Variants in ADAM12 observed in about 807,000 individuals in gnomAD.
The protein encoded by ADAM12 is ADAM metallopeptidase domain 12, also known as disintegrin and metalloproteinase domain-containing protein 12.
Under a neutral mutation model 106.4 loss-of-function variants are expected in ADAM12, and 70 were observed. That is an observed-to-expected ratio of 0.66 (90% CI 0.54 to 0.80). ADAM12 has a LOEUF of 0.80. Ranked by LOEUF, ADAM12 falls within the 30% of genes least tolerant of loss-of-function variation. The probability of loss-of-function intolerance (pLI) is 0.00; values close to 1 mark genes in which losing one functional copy is unlikely to be tolerated. For missense variants in ADAM12, 1,010 were observed against 1,171.9 expected, an observed-to-expected ratio of 0.86 and a Z score of 2.02; for synonymous variants, 420 against 433.5, an observed-to-expected ratio of 0.97 and a Z score of 0.39.
chr10:126,157,107 C>T (rs948076536), intron 3 of ADAM12, among the ~76,000 whole-genome samples: 2 of 152,192 alleles, frequency 1.3e-5, no homozygotes, highest in African/African-American at 2.4e-5. Flanking sequence ...ATCTTCCCTA[C>T]AGCATGTTGA....
At chr10:126,255,428 C>T (rs778213778) in intron 3 of ADAM12, among the ~76,000 whole-genome samples, 6 of 152,124 alleles carry the variant, frequency 3.9e-5, no homozygotes, top group Non-Finnish European at 5.9e-5. Flanking sequence ...CACGGCTCCA[C>T]CTCACACACT....
intron 4 of ADAM12, among the ~76,000 whole-genome samples, chr10:126,148,779 C>T (rs1590503934): frequency 6.6e-6 from 1 of 152,250 alleles, no homozygotes; most frequent in Non-Finnish European, 1.5e-5. Context: ...GGAGAGGATA[C>T]TAGTTTAGGC....
chr10:126,330,453 T>C lies in ADAM12; in HGVS notation c.145A>G (p.Ser49Gly), dbSNP rs901974421. ...TTCACTGGGATCCAGAGGTCCCCAC[T>C]CCCAACAGAGGCACTGACAACTTCA... is the stretch of plus-strand genomic sequence containing the variant. ...ADEVVSASVG[S>G]GDLWIPVKSF... Residue 49 changes from serine to glycine, a missense_variant, in exon 2 of 23, where the codon AGT becomes GGT. Ser to Gly is a moderately conservative substitution (Grantham distance 56). Transcript: ENST00000448723. 1.2e-6 allele frequency: 2 copies of C among 1,613,830 alleles called. No homozygotes were observed. The highest frequency in any genetic ancestry group is 2.7e-5 in the African/African-American group (2 of 74,918).
intron 8 of ADAM12, among the ~76,000 whole-genome samples, chr10:126,103,525 G>A (rs1394995724): frequency 6.6e-6 from 1 of 152,190 alleles, no homozygotes; most frequent in Non-Finnish European, 1.5e-5. Context: ...TCAAAGACAC[G>A]GAGGCTTGGA....
rs35918077 is a variant in ADAM12 at position 126,027,415 on chromosome 10, TAAA to T, written c.2530-7593_2530-7591del. On this transcript the variant is annotated intron_variant, in intron 21 of 22. Coordinates refer to ENST00000448723, the MANE Select transcript of ADAM12 (RefSeq NM_001288973.2). ...TCCTGGTACCAACACCTGGGAGAGATAAAAAAAAACCTCAGGCCAATATCCTTG... is the reference window on the plus strand; with the variant it reads ...TCCTGGTACCAACACCTGGGAGAGATAAAAAACCTCAGGCCAATATCCTTG... 2.7e-5 allele frequency among the ~76,000 whole-genome samples: 4 copies of T among 150,434 alleles called. No individual in the cohort carries two copies. In the East Asian group the frequency reaches 5.9e-4, roughly 22 times the overall value.
At chr10:126,082,569 C>A (rs112828461) in intron 11 of ADAM12, among the ~76,000 whole-genome samples, 2 of 151,868 alleles carry the variant, frequency 1.3e-5, no homozygotes, top group Non-Finnish European at 2.9e-5. Context: ...TGGGGTTTTG[C>A]CATGTTGGCC....
chr10:126,314,513 C>T (rs141551390), intron 2 of ADAM12, among the ~76,000 whole-genome samples: 148 of 152,240 alleles, frequency 9.7e-4, no homozygotes, highest in African/African-American at 3.2e-3. Flanking sequence ...TTTGGGAGCA[C>T]CCTCCACTCA....
At chr10:126,069,501 T>C (rs1954940411) in intron 12 of ADAM12, among the ~76,000 whole-genome samples, 1 of 152,238 alleles carries the variant, frequency 6.6e-6, no homozygotes, top group Admixed American at 6.5e-5. Flanking sequence ...AGCTACCCTA[T>C]AATGCAACAT....
intron 2 of ADAM12, among the ~76,000 whole-genome samples, chr10:126,288,593 C>T (rs1233731922): frequency 2.0e-5 from 3 of 151,756 alleles, no homozygotes; most frequent in Non-Finnish European, 4.4e-5. Flanking sequence ...GATGTGGTGG[C>T]CTCAGGAACA....
At chr10:126,146,507 C>T (rs1468379259) in intron 4 of ADAM12, among the ~76,000 whole-genome samples, 1 of 152,098 alleles carries the variant, frequency 6.6e-6, no homozygotes, top group Non-Finnish European at 1.5e-5. Flanking sequence ...GACACATATC[C>T]CTCCCGTGCA....
chr10:126,141,768 C>CCAGA (rs35913531), intron 4 of ADAM12, among the ~76,000 whole-genome samples: 81,424 of 151,632 alleles, frequency 0.54, 22,568 homozygotes, highest in Non-Finnish European at 0.63. Context: ...AGGAATGCTA[C>CCAGA]CAAAGTCTGT....
chr10:126,291,635 G>A (rs932029389), intron 2 of ADAM12, among the ~76,000 whole-genome samples: 1 of 152,188 alleles, frequency 6.6e-6, no homozygotes, highest in Non-Finnish European at 1.5e-5. Context: ...AGCATCAGGA[G>A]GGAGATGGCA....
intron 3 of ADAM12, among the ~76,000 whole-genome samples, chr10:126,203,667 G>C (rs1339045497): frequency 6.6e-6 from 1 of 152,198 alleles, no homozygotes; most frequent in African/African-American, 2.4e-5. Flanking sequence ...TTGCTTATCT[G>C]ACAGGATCTG....
intron 21 of ADAM12, 66 bp from the exon 22 acceptor site, chr10:126,019,891 G>C: frequency 6.6e-7 from 1 of 1,508,598 alleles, no homozygotes; most frequent in Non-Finnish European, 8.9e-7. Flanking sequence ...TGAGAAGCAG[G>C]GCCTGCCGCT....
intron 3 of ADAM12, among the ~76,000 whole-genome samples, chr10:126,177,713 C>A (rs151001474): frequency 4.6e-5 from 7 of 152,228 alleles, no homozygotes; most frequent in Non-Finnish European, 1.0e-4. Context: ...TGAACAACAA[C>A]AAAAAAATGA....
chr10:126,240,431 A>G (rs1363554534), intron 3 of ADAM12, among the ~76,000 whole-genome samples: 1 of 152,260 alleles, frequency 6.6e-6, no homozygotes, highest in African/African-American at 2.4e-5. Flanking sequence ...AATGGCATTA[A>G]GCATAGTGGA....
intron 3 of ADAM12, among the ~76,000 whole-genome samples, chr10:126,278,079 C>T (rs902800237): frequency 6.6e-6 from 1 of 152,152 alleles, no homozygotes; most frequent in African/African-American, 2.4e-5. Context: ...AATCACCATC[C>T]TGCTGATGGG....
intron 3 of ADAM12, among the ~76,000 whole-genome samples, chr10:126,203,285 A>G (rs941633287): frequency 7.4e-4 from 28 of 38,042 alleles, no homozygotes; most frequent in Non-Finnish European, 1.4e-3. Flanking sequence ...ATGCATATTA[A>G]TATGTCTATG....
At chr10:126,095,572 T>C (rs1285879823) in intron 10 of ADAM12, among the ~76,000 whole-genome samples, 6 of 145,236 alleles carry the variant, frequency 4.1e-5, no homozygotes, top group African/African-American at 1.5e-4. Flanking sequence ...GATTGGGTCA[T>C]GGGGACTCTG....
Sources: allele counts gnomAD v4.1 joint callset (sites outside exome capture counted in the v4.1 genomes callset), GRCh38; gene constraint gnomAD v4.1.1; transcripts MANE v1.5; gene names NCBI Gene and HGNC (gene_info 2026-07-23, HGNC 2026-07-21).